The following ZFX variants were observed in gnomAD, a reference collection of about 807,000 sequenced individuals.
ZFX encodes zinc finger protein X-linked.
For missense variants in ZFX, 362 were observed against 628.3 expected (o/e 0.58, Z 4.53); for synonymous variants, 196 against 226.8 (o/e 0.86, Z 1.22).
At chrX:24,151,429 AGAGGTGGAGGTG>A (rs1467439663) in intron 1 of ZFX, 3 of 111,928 alleles carry the variant, frequency 2.7e-5, no homozygotes, top group African/African-American at 9.8e-5. Context: ...TTTGTTAGGT[AGAGGTGGAGGTG>A]GAGAAAGGAC....
chrX:24,150,314 T>A (rs1310839996), intron 1 of ZFX, among the ~76,000 whole-genome samples: 1 of 58,449 alleles, frequency 1.7e-5, no homozygotes, highest in African/African-American at 6.4e-5. Context: ...CTACAGCCCG[T>A]GAGGGGGGGT....
intron 5 of ZFX, among the ~76,000 whole-genome samples, chrX:24,206,476 A>G (rs1186030645): frequency 9.5e-6 from 1 of 104,751 alleles, no homozygotes; most frequent in African/African-American, 3.6e-5. Context: ...AGCTGGGACT[A>G]CAGGCGCATG....
intron 3 of ZFX, among the ~76,000 whole-genome samples, chrX:24,157,326 A>G (rs1932848582): frequency 8.9e-6 from 1 of 111,859 alleles, no homozygotes; most frequent in Non-Finnish European, 1.9e-5. Context: ...TGATCACGTA[A>G]CCTTGCTGAA....
At chrX:24,160,143 T>A (rs1311829078) in intron 3 of ZFX, among the ~76,000 whole-genome samples, 1 of 110,354 alleles carries the variant, frequency 9.1e-6, no homozygotes, top group Non-Finnish European at 1.9e-5. Flanking sequence ...TGGTTAATAT[T>A]TTCCTTCTGC....
At chrX:24,186,774 T>G (rs1936150374) in intron 5 of ZFX, among the ~76,000 whole-genome samples, 1 of 111,932 alleles carries the variant, frequency 8.9e-6, no homozygotes, top group African/African-American at 3.3e-5. Flanking sequence ...GATGACTGCC[T>G]TCTTCAGTCT....
chrX:24,214,231 A>G lies in ZFX; in HGVS notation c.*2855A>G, dbSNP rs1463414539. 3 of 112,091 alleles carry G rather than the reference A, an allele frequency of 2.7e-5. No individual in the cohort carries two copies. The highest frequency in any genetic ancestry group is 1.9e-4 in the Admixed American group (2 of 10,528). 9.2% of individuals were successfully genotyped at this position (112,091 alleles called of 1,213,427 possible). ...GTACAGATTTTTACAAGGACATAAT[A>G]TAAGTTATTGTTCTGTAGAAATATC... On this transcript the variant is annotated 3_prime_UTR_variant, in exon 10 of 10. Transcript: ENST00000304543.
intron 3 of ZFX, among the ~76,000 whole-genome samples, chrX:24,157,798 G>C (rs770922878): frequency 9.0e-6 from 1 of 110,924 alleles, no homozygotes; most frequent in African/African-American, 3.3e-5. Flanking sequence ...TTTTTCTGTC[G>C]CCCAGGCTGG....
At chrX:24,210,043 T>C (rs1396225844) in intron 9 of ZFX, 150 bp from the exon 10 acceptor site, 1 of 759,234 alleles carries the variant, frequency 1.3e-6, no homozygotes, top group African/African-American at 2.1e-5. Context: ...ATCTCTTGTG[T>C]TGAAAAACAG....
rs1399335800 is a variant in ZFX, at chrX:24,214,985, GAT to G, written c.*3611_*3612del. 7.3e-5 allele frequency: 8 copies of G among 110,256 alleles called. No individual in the cohort carries two copies. Among genetic ancestry groups the G allele is most frequent in the Non-Finnish European group, 1.3e-4 (7 of 53,167 alleles). The allele number at this position is 110,256 out of a possible 1,213,427, so 9.1% of individuals were successfully genotyped here. A position where few individuals can be genotyped will look rare whatever the true frequency, so the allele number is the denominator to read the frequency against. On this transcript the variant is annotated 3_prime_UTR_variant, in exon 10 of 10. Transcript: ENST00000304543. ...TAAGTAAATGTCAGGAGTCAAAAGA[GAT>G]AGAGTTGTGCCATCTTTGATTTTAT...
intron 3 of ZFX, among the ~76,000 whole-genome samples, chrX:24,170,908 A>T (rs1934541988): frequency 8.9e-6 from 1 of 112,018 alleles, no homozygotes; most frequent in East Asian, 2.8e-4. Context: ...CACCATGCCC[A>T]GCCCATTTAC....
At chrX:24,173,796 C>T (rs1026521000) in intron 4 of ZFX, 9 of 418,810 alleles carry the variant, frequency 2.1e-5, no homozygotes, top group Admixed American at 1.3e-4. Context: ...GGTTTTGCCA[C>T]GTTGCCCAGG....
At chrX:24,207,526 T>C in intron 6 of ZFX, 51 bp downstream of exon 6, 1 of 1,172,135 alleles carries the variant, frequency 8.5e-7, no homozygotes. Flanking sequence ...TGTTTCAGCC[T>C]GATTACTTTT....
chrX:24,158,397 T>C (rs1294319232), intron 3 of ZFX, among the ~76,000 whole-genome samples: 1 of 111,572 alleles, frequency 9.0e-6, no homozygotes. Context: ...CATAATTCTT[T>C]TGTATATAGT....
intron 5 of ZFX, among the ~76,000 whole-genome samples, chrX:24,192,784 G>A (rs1456896652): frequency 9.1e-6 from 1 of 109,377 alleles, no homozygotes; most frequent in Non-Finnish European, 1.9e-5. Context: ...GGTGGCACAT[G>A]CCTAGGAGGC....
chrX:24,171,355 C>T (rs1242926067), intron 3 of ZFX, among the ~76,000 whole-genome samples: 1 of 110,787 alleles, frequency 9.0e-6, no homozygotes, highest in Admixed American at 9.6e-5. Flanking sequence ...TTTTGTTTGG[C>T]TGAACTTTGT....
upstream of ZFX, chrX:24,149,709 C>CA (rs1167807066): frequency 9.0e-6 from 1 of 111,270 alleles, no homozygotes; most frequent in Admixed American, 9.3e-5. Context: ...CCGCCCGCCC[C>CA]ACCAGCCGGA....
At chrX:24,196,405 G>A (rs564578515) in intron 5 of ZFX, among the ~76,000 whole-genome samples, 68 of 112,031 alleles carry the variant, frequency 6.1e-4, no homozygotes, top group East Asian at 3.1e-3. Flanking sequence ...GAGCCACTGC[G>A]CCCAGCCAAT....
chrX:24,164,827 A>G (rs1482716839), intron 3 of ZFX, among the ~76,000 whole-genome samples: 1 of 108,939 alleles, frequency 9.2e-6, no homozygotes, highest in Non-Finnish European at 1.9e-5. Context: ...AATGCCAGCT[A>G]CTTTTGGGAG....
At chrX:24,176,092 T>G (rs1305528344) in intron 4 of ZFX, among the ~76,000 whole-genome samples, 4 of 104,910 alleles carry the variant, frequency 3.8e-5, no homozygotes, top group Non-Finnish European at 7.8e-5. Context: ...TAGGCTGGAG[T>G]GCAATGGCGC....
Sources: allele counts gnomAD v4.1 joint callset (sites outside exome capture counted in the v4.1 genomes callset), GRCh38; gene constraint gnomAD v4.1.1; transcripts MANE v1.5; gene names NCBI Gene and HGNC (gene_info 2026-07-23, HGNC 2026-07-21).